RASGRP2: variants seen among roughly 807,000 people sequenced by gnomAD.
The protein encoded by RASGRP2 is RAS guanyl-releasing protein 2.
In RASGRP2, 44 loss-of-function variants were observed where a neutral mutation model predicts 71.0. The observed-to-expected ratio is 0.62, with a 90% CI of 0.49 to 0.80. RASGRP2 has a LOEUF of 0.80. RASGRP2 is among the 30% of genes least tolerant of loss of function. RASGRP2 has a pLI of 0.00. For synonymous variants in RASGRP2, 350 were observed against 330.7 expected (o/e 1.06, Z -0.63); for missense variants, 663 against 813.4 (o/e 0.82, Z 2.25).
At chr11:64,740,340 A>C (rs1027541453) in intron 5 of RASGRP2, 177 bp from the exon 6 acceptor site, 3 of 754,970 alleles carry the variant, frequency 4.0e-6, no homozygotes, top group East Asian at 2.7e-5. Flanking sequence ...CCCGTCATGC[A>C]CTCAACACAC....
At position 64,730,212 on chromosome 11, in the gene RASGRP2, G is replaced by A; in HGVS notation, c.1413-18C>T. On this transcript the variant is annotated intron_variant, in intron 12 of 16. Coordinates refer to ENST00000394432, the MANE Select transcript of RASGRP2 (RefSeq NM_001098671.2). ...AGCCATCCCTGTGGGGAGTTGCGGG[G>A]GCGCTTCAGCTCGGGCCCTCCCCAG... 1.3e-6 allele frequency: 2 copies of A among 1,551,496 alleles called. No homozygotes were observed. The highest frequency in any genetic ancestry group is 8.7e-7 in the Non-Finnish European group (1 of 1,147,000).
At chr11:64,745,081 C>T (rs1464162372), upstream of RASGRP2, 1 of 151,734 alleles carries the variant, frequency 6.6e-6, no homozygotes, top group East Asian at 1.9e-4. Context: ...GGGCGGGCGA[C>T]CGGAGGCCCC....
In RASGRP2 at chr11:64,735,402, G is replaced by T; in HGVS notation, c.1296+140C>A. ...CCCTACCCAGGGGCACTTCAGCCCC[G>T]TGCAGCTGGCCTGCCAGGCCCTGTG... On this transcript the variant is annotated intron_variant, in intron 11 of 16. Coordinates refer to ENST00000394432, the MANE Select transcript of RASGRP2 (RefSeq NM_001098671.2). The surrounding 1 kb of genome is among the most constrained non-coding windows in gnomAD (Gnocchi z 4.2). 7.0e-7 allele frequency: 1 copy of T among 1,434,510 alleles called. No individual in the cohort carries two copies. The highest frequency in any genetic ancestry group is 9.7e-7 in the Non-Finnish European group (1 of 1,026,168). 88.9% of individuals were successfully genotyped at this position (1,434,510 alleles called of 1,614,324 possible). A position where few individuals can be genotyped will look rare whatever the true frequency, so the allele number is the denominator to read the frequency against.
Position 64,742,912 on chromosome 11 carries a change from C to A in RASGRP2, c.-46G>T, listed in dbSNP as rs558636047. 3.2e-6 allele frequency: 5 copies of A among 1,548,578 alleles called. No homozygotes were observed. Among genetic ancestry groups the A allele is most frequent in the Non-Finnish European group, 4.3e-6 (5 of 1,152,010 alleles). ...CTGGGCCCAGGCTGCGCTCCGGGAGCCTCCCACCGGGCTCGGACCGAACCC... is the reference window on the plus strand; with the variant it reads ...CTGGGCCCAGGCTGCGCTCCGGGAGACTCCCACCGGGCTCGGACCGAACCC... On this transcript the variant is annotated 5_prime_UTR_variant, in exon 2 of 17. Coordinates refer to ENST00000394432, the MANE Select transcript of RASGRP2 (RefSeq NM_001098671.2). The surrounding 1 kb of genome is among the most constrained non-coding windows in gnomAD (Gnocchi z 4.7).
Position 64,743,285 on chromosome 11 carries a change from G to A in RASGRP2, c.-71-348C>T, listed in dbSNP as rs1002779016. ...AGGCACCTGCAGCACCCCGCAGCTC[G>A]GCTCTGCGCCCCTCCCGCTTCCCTC... On this transcript the variant is annotated intron_variant, in intron 1 of 16. Transcript: ENST00000394432. The surrounding 1 kb of genome is among the most constrained non-coding windows in gnomAD (Gnocchi z 4.9). The A allele has an allele frequency of 1.3e-5, 6 of 469,566 alleles. No homozygotes were observed. In the Admixed American group the frequency reaches 1.4e-4, roughly 11 times the overall value. 29.1% of individuals were successfully genotyped at this position (469,566 alleles called of 1,614,324 possible).
At chr11:64,727,618 T>C (rs979379439) in intron 15 of RASGRP2, among the ~76,000 whole-genome samples, 2 of 151,206 alleles carry the variant, frequency 1.3e-5, no homozygotes, top group Non-Finnish European at 2.9e-5. Flanking sequence ...GTTCAAGCGA[T>C]TCTCGTGCCT....
Position 64,742,457 on chromosome 11 carries a change from C to A in RASGRP2, c.73+337G>T. ...AGGGGCACCCCTTCACCAGATAAGC[C>A]GCCCCCCATTAGCCGGAAACAGCTC... On this transcript the variant is annotated intron_variant, in intron 2 of 16. Transcript: ENST00000394432. The surrounding 1 kb of genome is among the most constrained non-coding windows in gnomAD (Gnocchi z 4.7). The A allele has an allele frequency of 1.8e-6, 1 of 561,606 alleles. No individual in the cohort carries two copies. The highest frequency in any genetic ancestry group is 2.0e-5 in the South Asian group (1 of 48,792). The allele number at this position is 561,606 out of a possible 1,614,324, so 34.8% of individuals were successfully genotyped here.
At position 64,735,587 on chromosome 11, in the gene RASGRP2, C is replaced by T. The variant is rs538614428; in HGVS notation, c.1251G>A (p.Lys417=). The change falls in exon 11 of 17, where the codon AAG becomes AAA. Residue 417 remains lysine, a synonymous_variant. Transcript: ENST00000394432. This position sits in a 1 kb window ranked among gnomAD's most constrained non-coding sequence, Gnocchi z 4.2. ...GCTCCACCACGAGGGCCTGATCCAG[C>T]TTGGGTTTGGCAGCCGAGGTCCACT... is the stretch of plus-strand genomic sequence containing the variant. The part of the protein sequence containing the change: ...LEEWTSAAKP[K]LDQALVVEHI... 3.7e-6 allele frequency: 6 copies of T among 1,614,132 alleles called. No homozygotes were observed. In the South Asian group the frequency reaches 6.6e-5, roughly 18 times the overall value.
At chr11:64,734,255 C>T (rs1013087269) in intron 12 of RASGRP2, among the ~76,000 whole-genome samples, 2 of 151,362 alleles carry the variant, frequency 1.3e-5, no homozygotes, top group Non-Finnish European at 2.9e-5. Flanking sequence ...GAGGTTGCAG[C>T]GAGCCGAGAT....
rs1196409521 is a variant in RASGRP2, at chr11:64,735,050, A to C, written c.1412+62T>G. The stretch of plus-strand genomic sequence containing the variant: ...ACCTCATCTTGCACACAAGAAACTG[A>C]AGCCCAGGCAGAAGTGGGCTGAGTT... On this transcript the variant is annotated intron_variant, in intron 12 of 16. Transcript: ENST00000394432. The surrounding 1 kb of genome is among the most constrained non-coding windows in gnomAD (Gnocchi z 4.2). 1 of 1,279,066 alleles carries C rather than the reference A, an allele frequency of 7.8e-7. No homozygotes were observed. The highest frequency in any genetic ancestry group is 1.1e-6 in the Non-Finnish European group (1 of 874,800). The allele number at this position is 1,279,066 out of a possible 1,614,324, so 79.2% of individuals were successfully genotyped here.
At position 64,731,529 on chromosome 11, in the gene RASGRP2, G is replaced by A. The variant is rs149766083; in HGVS notation, c.1413-1335C>T. ...AAAGACAACATAAATGACAGACAGG[G>A]AGAAAATATTTGCAAACACATTCAA... On this transcript the variant is annotated intron_variant, in intron 12 of 16. Coordinates refer to ENST00000394432, the MANE Select transcript of RASGRP2 (RefSeq NM_001098671.2). 3.5e-3 allele frequency among the ~76,000 whole-genome samples: 537 copies of A among 152,136 alleles called. 1 individual carries two copies. The highest frequency in any genetic ancestry group is 0.012 in the African/African-American group (516 of 41,488).
chr11:64,742,621 C>T lies in RASGRP2; in HGVS notation c.73+173G>A. On this transcript the variant is annotated intron_variant, in intron 2 of 16. Coordinates refer to ENST00000394432, the MANE Select transcript of RASGRP2 (RefSeq NM_001098671.2). The surrounding 1 kb of genome is among the most constrained non-coding windows in gnomAD (Gnocchi z 4.7). ...AGGGAAACCTCATCTGTCTGAAGGG[C>T]GTGCATCTCTCTGCCCTGCGTTGCG... 1.2e-6 allele frequency: 1 copy of T among 845,168 alleles called. No homozygotes were observed. Among genetic ancestry groups the T allele is most frequent in the Non-Finnish European group, 1.9e-6 (1 of 528,414 alleles). 52.4% of individuals were successfully genotyped at this position (845,168 alleles called of 1,614,324 possible). A position where few individuals can be genotyped will look rare whatever the true frequency, so the allele number is the denominator to read the frequency against.
Position 64,735,732 on chromosome 11 carries a change from A to T in RASGRP2, c.1174-68T>A, listed in dbSNP as rs951980125. 34 of 1,559,604 alleles carry T rather than the reference A, an allele frequency of 2.2e-5. No homozygotes were observed. The highest frequency in any genetic ancestry group is 2.9e-5 in the Non-Finnish European group (33 of 1,150,418). On this transcript the variant is annotated intron_variant, in intron 10 of 16. Transcript: ENST00000394432. This position sits in a 1 kb window ranked among gnomAD's most constrained non-coding sequence, Gnocchi z 4.2. The stretch of plus-strand genomic sequence containing the variant: ...AAGCCCAGAGCCCCGGGGAACAGAG[A>T]GGGGAATCCCTGGGAGAGGGAAGTC...
chr11:64,742,501 G>A lies in RASGRP2; in HGVS notation c.73+293C>T. ...ACAGCTCCCAGGCCGGAGATAGCGA[G>A]TTCCTCCGGATTCCCCGGGAGACAG... On this transcript the variant is annotated intron_variant, in intron 2 of 16. Coordinates refer to ENST00000394432, the MANE Select transcript of RASGRP2 (RefSeq NM_001098671.2). This position sits in a 1 kb window ranked among gnomAD's most constrained non-coding sequence, Gnocchi z 4.7. 3.5e-6 allele frequency: 2 copies of A among 577,844 alleles called. No homozygotes were observed. The highest frequency in any genetic ancestry group is 6.2e-6 in the Non-Finnish European group (2 of 322,982). The allele number at this position is 577,844 out of a possible 1,614,324, so 35.8% of individuals were successfully genotyped here.
Position 64,735,740 on chromosome 11 carries a change from C to A in RASGRP2, c.1174-76G>T. On this transcript the variant is annotated intron_variant, in intron 10 of 16. Transcript: ENST00000394432. This position sits in a 1 kb window ranked among gnomAD's most constrained non-coding sequence, Gnocchi z 4.2. ...AGCCCCGGGGAACAGAGAGGGGAAT[C>A]CCTGGGAGAGGGAAGTCTGCCCAAC... 1 of 1,550,342 alleles carries A rather than the reference C, an allele frequency of 6.5e-7. No homozygotes were observed.
Position 64,744,038 on chromosome 11 carries a change from G to T in RASGRP2, c.-107C>A, listed in dbSNP as rs2058230340. 3 of 988,108 alleles carry T rather than the reference G, an allele frequency of 3.0e-6. No homozygotes were observed. Among genetic ancestry groups the T allele is most frequent in the South Asian group, 4.5e-5 (1 of 22,226 alleles). The allele number at this position is 988,108 out of a possible 1,614,324, so 61.2% of individuals were successfully genotyped here. A position where few individuals can be genotyped will look rare whatever the true frequency, so the allele number is the denominator to read the frequency against. ...CACCCCAGAATGCAAACCCGCGGAC[G>T]AGGTCGCCTCCTGGACGTGCTGTTC... On this transcript the variant is annotated 5_prime_UTR_variant, in exon 1 of 17. Transcript: ENST00000394432.
chr11:64,735,330 C>G lies in RASGRP2; in HGVS notation c.1297-103G>C. The G allele has an allele frequency of 4.0e-6, 5 of 1,251,844 alleles. No homozygotes were observed. Among genetic ancestry groups the G allele is most frequent in the Non-Finnish European group, 4.6e-6 (4 of 861,568 alleles). 77.5% of individuals were successfully genotyped at this position (1,251,844 alleles called of 1,614,324 possible). A position where few individuals can be genotyped will look rare whatever the true frequency, so the allele number is the denominator to read the frequency against. Reference sequence around the variant, plus strand: ...TCCCAGTCCATTTGATGAGGTGTGTCTCAGAGAGGTCTCTGACACCACCCC... The same window carrying G: ...TCCCAGTCCATTTGATGAGGTGTGTGTCAGAGAGGTCTCTGACACCACCCC... On this transcript the variant is annotated intron_variant, in intron 11 of 16. Coordinates refer to ENST00000394432, the MANE Select transcript of RASGRP2 (RefSeq NM_001098671.2). The surrounding 1 kb of genome is among the most constrained non-coding windows in gnomAD (Gnocchi z 4.2).
intron 12 of RASGRP2, among the ~76,000 whole-genome samples, chr11:64,734,872 C>T (rs2057879101): frequency 6.6e-6 from 1 of 152,228 alleles, no homozygotes. Flanking sequence ...GTCCCCAGGT[C>T]ACAGTCTTTG....
chr11:64,737,938 CAGGAGG>C, intron 8 of RASGRP2, among the ~76,000 whole-genome samples: 1 of 151,766 alleles, frequency 6.6e-6, no homozygotes, highest in African/African-American at 2.4e-5. Context: ...CCCAGCTACT[CAGGAGG>C]CTGAGGCACG....
Sources: gnomAD v4.1 joint callset for allele counts (sites outside exome capture counted in the v4.1 genomes callset) on GRCh38, gnomAD v4.1.1 for gene constraint, Gnocchi (gnomAD v3.1) non-coding constraint, MANE v1.5 for transcripts, NCBI Gene and HGNC (gene_info 2026-07-23, HGNC 2026-07-21) for gene names.